The following WWOX variants were observed in gnomAD, a reference collection of about 807,000 sequenced individuals.
WWOX encodes the protein WW domain-containing oxidoreductase.
In WWOX, 69 loss-of-function variants were observed where a neutral mutation model predicts 46.2. That is an observed-to-expected ratio of 1.49 (90% CI 1.23 to 1.82). The LOEUF (loss-of-function observed/expected upper bound fraction) is 1.82. Ranked by LOEUF, WWOX falls within the 40% of genes most tolerant of loss-of-function variation. The probability of loss-of-function intolerance (pLI) is 0.00; values close to 1 mark genes in which losing one functional copy is unlikely to be tolerated. For missense variants in WWOX, 919 were observed against 542.6 expected (o/e 1.69, Z -6.89); for synonymous variants, 359 against 202.6 (o/e 1.77, Z -6.56).
chr16:78,859,534 A>G (rs2052667475), intron 8 of WWOX, among the ~76,000 whole-genome samples: 1 of 152,192 alleles, frequency 6.6e-6, no homozygotes, highest in African/African-American at 2.4e-5. Flanking sequence ...TCCAGAGGGC[A>G]TGTTGCTGTT....
chr16:78,267,460 G>A (rs2079391102), intron 5 of WWOX, among the ~76,000 whole-genome samples: 1 of 152,232 alleles, frequency 6.6e-6, no homozygotes, highest in African/African-American at 2.4e-5. Flanking sequence ...GTGAAAGTCA[G>A]TGTAAAGTGT....
chr16:78,768,436 A>C (rs1311559074), intron 8 of WWOX, among the ~76,000 whole-genome samples: 1 of 152,066 alleles, frequency 6.6e-6, no homozygotes, highest in Non-Finnish European at 1.5e-5. Context: ...CTAAAAATAC[A>C]ACAATTAGCC....
chr16:78,551,490 A>C (rs1418387618), intron 8 of WWOX: 1 of 152,224 alleles, frequency 6.6e-6, no homozygotes, highest in East Asian at 1.9e-4. Flanking sequence ...GGAATGTTGC[A>C]GGGAGGCTGG....
chr16:78,220,586 C>G (rs1226829955), intron 5 of WWOX, among the ~76,000 whole-genome samples: 1 of 152,068 alleles, frequency 6.6e-6, no homozygotes, highest in Non-Finnish European at 1.5e-5. Flanking sequence ...GGGTATTAAC[C>G]TTTAACATAG....
At chr16:78,241,134 G>A (rs946799746) in intron 5 of WWOX, 7 of 152,256 alleles carry the variant, frequency 4.6e-5, no homozygotes, top group African/African-American at 1.7e-4. Flanking sequence ...CCATTGTACA[G>A]ATGAAAGTCT....
intron 6 of WWOX, among the ~76,000 whole-genome samples, chr16:78,405,247 C>G (rs1296844359): frequency 6.6e-6 from 1 of 152,078 alleles, no homozygotes; most frequent in African/African-American, 2.4e-5. Flanking sequence ...CTGGTGGTCT[C>G]CAGGGGACAC....
At chr16:79,144,380 G>A (rs557356629) in intron 8 of WWOX, among the ~76,000 whole-genome samples, 8 of 152,326 alleles carry the variant, frequency 5.3e-5, no homozygotes, top group African/African-American at 1.4e-4. Context: ...CAGGAGTTAC[G>A]AATGCCCAGC....
intron 8 of WWOX, among the ~76,000 whole-genome samples, chr16:78,913,799 C>T (rs1377248714): frequency 1.3e-5 from 2 of 151,864 alleles, no homozygotes; most frequent in Admixed American, 1.3e-4. Context: ...ATAGCTGGGA[C>T]TAAAGTGTGC....
chr16:78,775,293 T>G (rs113870317), intron 8 of WWOX, among the ~76,000 whole-genome samples: 1 of 152,168 alleles, frequency 6.6e-6, no homozygotes, highest in African/African-American at 2.4e-5. Flanking sequence ...TATGAGTGTT[T>G]TGACTGTTCA....
At chr16:79,179,785 C>G (rs1056350030) in intron 8 of WWOX, among the ~76,000 whole-genome samples, 1 of 152,194 alleles carries the variant, frequency 6.6e-6, no homozygotes, top group Non-Finnish European at 1.5e-5. Flanking sequence ...TCCCTTAACT[C>G]CTTGGGATGT....
At chr16:79,047,289 C>G (rs1292281873) in intron 8 of WWOX, among the ~76,000 whole-genome samples, 2 of 152,136 alleles carry the variant, frequency 1.3e-5, no homozygotes, top group African/African-American at 2.4e-5. Flanking sequence ...AGAAGCAAGT[C>G]TTAATAGTCT....
intron 5 of WWOX, among the ~76,000 whole-genome samples, chr16:78,324,423 A>G (rs2080563158): frequency 6.6e-6 from 1 of 152,112 alleles, no homozygotes; most frequent in African/African-American, 2.4e-5. Context: ...TGACCTAGCA[A>G]TTCCACTCCT....
chr16:78,815,797 G>A (rs1488761677), intron 8 of WWOX, among the ~76,000 whole-genome samples: 1 of 152,198 alleles, frequency 6.6e-6, no homozygotes, highest in African/African-American at 2.4e-5. Flanking sequence ...CAGTGTTTCA[G>A]TGACCCTCCT....
intron 8 of WWOX, among the ~76,000 whole-genome samples, chr16:78,818,436 G>C (rs2051401676): frequency 6.6e-6 from 1 of 152,230 alleles, no homozygotes; most frequent in South Asian, 2.1e-4. Flanking sequence ...GGACAAGGCA[G>C]GCCCAGTTTT....
chr16:78,791,977 T>G (rs1374917473), intron 8 of WWOX, among the ~76,000 whole-genome samples: 1 of 152,226 alleles, frequency 6.6e-6, no homozygotes, highest in Non-Finnish European at 1.5e-5. Flanking sequence ...TTTGTTTTTT[T>G]AAGGGAGGAA....
chr16:78,334,375 A>G (rs753257458), intron 5 of WWOX, among the ~76,000 whole-genome samples: 3 of 152,172 alleles, frequency 2.0e-5, no homozygotes, highest in Non-Finnish European at 4.4e-5. Context: ...CAAATTATGA[A>G]CCTTGGAACA....
At position 78,527,433 on chromosome 16, in the gene WWOX, A is replaced by G. The variant is rs142204208; in HGVS notation, c.1056+94681A>G. ...CTTGGGCCCCTGAGTAGCTGGGACT[A>G]TAGGCATCCACCATCACACCTGGCT... On this transcript the variant is annotated intron_variant, in intron 8 of 8. Transcript: ENST00000566780. 2.2e-3 allele frequency among the ~76,000 whole-genome samples: 327 copies of G among 151,900 alleles called. 2 individuals carry two copies. Among genetic ancestry groups the G allele is most frequent in the African/African-American group, 7.5e-3 (310 of 41,458 alleles).
intron 8 of WWOX, among the ~76,000 whole-genome samples, chr16:78,879,144 G>A (rs1037055352): frequency 2.0e-5 from 3 of 152,076 alleles, no homozygotes; most frequent in Admixed American, 1.3e-4. Context: ...GCAGAAAAAC[G>A]CAGATAAGAA....
At chr16:78,843,631 T>C (rs2052219465) in intron 8 of WWOX, among the ~76,000 whole-genome samples, 2 of 132,756 alleles carry the variant, frequency 1.5e-5, no homozygotes, top group African/African-American at 5.0e-5. Context: ...AATGAGGAAG[T>C]GAGCAAATCA....
Sources: gnomAD v4.1 joint callset for allele counts (sites outside exome capture counted in the v4.1 genomes callset) on GRCh38, gnomAD v4.1.1 for gene constraint, MANE v1.5 for transcripts, NCBI Gene and HGNC (gene_info 2026-07-23, HGNC 2026-07-21) for gene names.